Variants in SNX8 observed in about 807,000 individuals in gnomAD.
The protein encoded by SNX8 is sorting nexin-8.
Under a neutral mutation model 51.6 loss-of-function variants are expected in SNX8, and 25 were observed. The ratio of observed to expected loss-of-function variants is 0.48; its 90% CI spans 0.35 to 0.68. The LOEUF is 0.68. Ranked by LOEUF, SNX8 falls within the 30% of genes least tolerant of loss-of-function variation. The pLI, the probability that SNX8 is intolerant of heterozygous loss-of-function variation, is 0.00. For synonymous variants in SNX8, 324 were observed against 277.0 expected (o/e 1.17, Z -1.68); for missense variants, 695 against 624.0 (o/e 1.11, Z -1.21).
intron 5 of SNX8, among the ~76,000 whole-genome samples, chr7:2,265,727 T>A (rs1349206312): frequency 6.6e-6 from 1 of 152,224 alleles, no homozygotes; most frequent in Non-Finnish European, 1.5e-5. Flanking sequence ...GAAGGCCTCT[T>A]CTATGCCGCG....
At chr7:2,307,096 G>A (rs1796559625) in intron 1 of SNX8, among the ~76,000 whole-genome samples, 1 of 151,968 alleles carries the variant, frequency 6.6e-6, no homozygotes, top group South Asian at 2.1e-4. Flanking sequence ...ACAGCAAAGT[G>A]CCTCCTCCCA....
intron 5 of SNX8, among the ~76,000 whole-genome samples, chr7:2,268,566 G>A (rs1335604152): frequency 3.0e-4 from 42 of 139,910 alleles, no homozygotes; most frequent in Admixed American, 6.3e-4. Flanking sequence ...TCAGCCCCCC[G>A]CCTGGCCAGC....
rs528056059 is a variant in SNX8 at position 2,338,386 on chromosome 7, C to T, written c.-66+15836G>A. Reference sequence around the variant, plus strand: ...CTGAGGCAGGAGAATGGCATGAACCCGGGAGGCAGAGGTTGCAGTGAGCCG... The same window carrying T: ...CTGAGGCAGGAGAATGGCATGAACCTGGGAGGCAGAGGTTGCAGTGAGCCG... On this transcript the variant is annotated intron_variant, in intron 1 of 5. Transcript: ENST00000435336. Among the ~76,000 whole-genome samples, 15 of 151,680 alleles carry T rather than the reference C, an allele frequency of 9.9e-5. No individual in the cohort carries two copies. The East Asian group carries it at 1.4e-3, about 14-fold the overall frequency.
At chr7:2,331,679 TG>T (rs1158218012) in intron 1 of SNX8, among the ~76,000 whole-genome samples, 2 of 151,306 alleles carry the variant, frequency 1.3e-5, no homozygotes, top group Non-Finnish European at 2.9e-5. Flanking sequence ...CACTCCAGCC[TG>T]GGCAACAGAG....
chr7:2,314,332 C>T lies in SNX8; in HGVS notation c.90G>A (p.Ala30=). 2 of 1,223,068 alleles carry T rather than the reference C, an allele frequency of 1.6e-6. No individual in the cohort carries two copies. Among genetic ancestry groups the T allele is most frequent in the Non-Finnish European group, 2.0e-6 (2 of 982,190 alleles). 75.8% of individuals were successfully genotyped at this position (1,223,068 alleles called of 1,614,324 possible). A position where few individuals can be genotyped will look rare whatever the true frequency, so the allele number is the denominator to read the frequency against. ...AEADEEADPP[A]SDLPTPQAIE... Reference sequence around the variant, plus strand: ...TACCGCCGCCCCACGCCCTACCTGACGCCGGGGGATCCGCCTCCTCGTCAG... The same window carrying T: ...TACCGCCGCCCCACGCCCTACCTGATGCCGGGGGATCCGCCTCCTCGTCAG... Residue 30 remains alanine, a synonymous_variant, in exon 1 of 11, where the codon GCG becomes GCA. Coordinates refer to ENST00000222990, the MANE Select transcript of SNX8 (RefSeq NM_013321.4).
Position 2,304,668 on chromosome 7 carries a change from C to T in SNX8, c.94+9660G>A, listed in dbSNP as rs116674724. 5.6e-3 allele frequency among the ~76,000 whole-genome samples: 849 copies of T among 152,272 alleles called. 4 individuals are homozygous for T. Among genetic ancestry groups the T allele is most frequent in the African/African-American group, 0.019 (808 of 41,554 alleles). ...CATAACACAGGGTCACTTTAAACTT[C>T]GCAGAAGCTTCCAGGAGTGTCCCTC... On this transcript the variant is annotated intron_variant, in intron 1 of 10. Transcript: ENST00000222990.
rs916833614 is a variant in SNX8 at position 2,302,740 on chromosome 7, G to A, written c.94+11588C>T. On this transcript the variant is annotated intron_variant, in intron 1 of 10. Coordinates refer to ENST00000222990, the MANE Select transcript of SNX8 (RefSeq NM_013321.4). ...GCCCATCGTCTGAGATGTGGGGAGC[G>A]CCTCTGCCCCACCGCCCCGTCTGGG... Among the ~76,000 whole-genome samples, 11 of 149,164 alleles carry A rather than the reference G, an allele frequency of 7.4e-5. No homozygotes were observed. The South Asian group carries it at 1.7e-3, about 23-fold the overall frequency.
intron 1 of SNX8, among the ~76,000 whole-genome samples, chr7:2,323,473 C>T (rs1361116106): frequency 6.6e-6 from 1 of 151,996 alleles, no homozygotes; most frequent in Admixed American, 6.6e-5. Flanking sequence ...AATCTCAAAT[C>T]CCAGAGGCTT....
intron 1 of SNX8, among the ~76,000 whole-genome samples, chr7:2,352,659 C>T (rs148872379): frequency 0.013 from 2,034 of 151,840 alleles, 42 homozygotes; most frequent in African/African-American, 0.041. Flanking sequence ...GGTGAAACCT[C>T]GTCTCTACTA....
intron 4 of SNX8, among the ~76,000 whole-genome samples, chr7:2,270,344 C>T (rs1276638904): frequency 3.5e-5 from 1 of 28,350 alleles, no homozygotes; most frequent in Non-Finnish European, 1.0e-4. Context: ...AAAAAAAAGA[C>T]CTGAGGCCCA....
rs934176160 is a variant in SNX8 at position 2,331,668 on chromosome 7, G to A, written c.-66+22554C>T. ...TGCAGTGAGCCAAGATCACACCACT[G>A]CACTCCAGCCTGGGCAACAGAGTGA... is the stretch of plus-strand genomic sequence containing the variant. On this transcript the variant is annotated intron_variant, in intron 1 of 5. Coordinates refer to the SNX8 transcript ENST00000435336. Among the ~76,000 whole-genome samples, 5 of 151,862 alleles carry A rather than the reference G, an allele frequency of 3.3e-5. No individual in the cohort carries two copies. The South Asian group carries it at 1.0e-3, about 31-fold the overall frequency.
chr7:2,298,768 T>C (rs2115180675), intron 1 of SNX8, among the ~76,000 whole-genome samples: 1 of 151,974 alleles, frequency 6.6e-6, no homozygotes, highest in African/African-American at 2.4e-5. Context: ...CTCAGCTCAC[T>C]GCAACCTCCA....
intron 1 of SNX8, among the ~76,000 whole-genome samples, chr7:2,334,560 G>A (rs903893432): frequency 2.0e-5 from 3 of 151,772 alleles, no homozygotes; most frequent in African/African-American, 7.3e-5. Context: ...AAAATTAGCT[G>A]GGCGTGGTGG....
rs1491411606 is a variant in SNX8, at chr7:2,348,325, CTT to C, written c.-66+5895_-66+5896del. On this transcript the variant is annotated intron_variant, in intron 1 of 5. Coordinates refer to the SNX8 transcript ENST00000435336. ...GCTCTGGCGAGTACAGTATCTTTTTCTTTTCTTTCTTTCTTTTTTTTTTTTTT... is the reference window on the plus strand; with the variant it reads ...GCTCTGGCGAGTACAGTATCTTTTTCTTCTTTCTTTCTTTTTTTTTTTTTT... 4.4e-4 allele frequency among the ~76,000 whole-genome samples: 62 copies of C among 142,014 alleles called. 1 individual carries two copies. The highest frequency in any genetic ancestry group is 4.3e-3 in the South Asian group (19 of 4,464). The allele number at this position is 142,014 out of a possible 152,430, so 93.2% of individuals were successfully genotyped here.
chr7:2,318,019 C>T (rs115999863), upstream of SNX8, among the ~76,000 whole-genome samples: 60 of 152,210 alleles, frequency 3.9e-4, no homozygotes, highest in African/African-American at 1.4e-3. Flanking sequence ...CCCTGTGCCA[C>T]GCACACATAT....
At chr7:2,335,578 G>GTT (rs1554269541) in intron 1 of SNX8, among the ~76,000 whole-genome samples, 3 of 151,966 alleles carry the variant, frequency 2.0e-5, no homozygotes, top group Non-Finnish European at 2.9e-5. Flanking sequence ...CGAGGCGGGC[G>GTT]TATCACGAGG....
chr7:2,349,392 T>C (rs2115253125), intron 1 of SNX8, among the ~76,000 whole-genome samples: 1 of 152,024 alleles, frequency 6.6e-6, no homozygotes. Flanking sequence ...ATTTTTAAAT[T>C]TGTTATATTT....
chr7:2,351,354 C>G (rs550735192), intron 1 of SNX8, among the ~76,000 whole-genome samples: 12 of 152,214 alleles, frequency 7.9e-5, no homozygotes, highest in African/African-American at 2.6e-4. Context: ...GAGTTGAAGA[C>G]CAGACTGAGC....
At chr7:2,343,937 G>A (rs980364053) in intron 1 of SNX8, among the ~76,000 whole-genome samples, 4 of 151,888 alleles carry the variant, frequency 2.6e-5, no homozygotes, top group Non-Finnish European at 5.9e-5. Flanking sequence ...GGAGGCTGAG[G>A]GAGGAGAATC....
Sources: allele counts gnomAD v4.1 joint callset (sites outside exome capture counted in the v4.1 genomes callset), GRCh38; gene constraint gnomAD v4.1.1; transcripts MANE v1.5; gene names NCBI Gene and HGNC (gene_info 2026-07-23, HGNC 2026-07-21).